Variants in ASB4 observed in about 807,000 individuals in gnomAD.
ASB4 encodes the protein ankyrin repeat and SOCS box protein 4.
In ASB4, 35 loss-of-function variants were observed where a neutral mutation model predicts 38.6. The ratio of observed to expected loss-of-function variants is 0.91; its 90% CI spans 0.69 to 1.20. The LOEUF is 1.20. Ranked by LOEUF, ASB4 falls within the 50% of genes most tolerant of loss-of-function variation. ASB4 has a pLI of 0.00. For synonymous variants in ASB4, 195 were observed against 201.3 expected (o/e 0.97, Z 0.26); for missense variants, 557 against 527.2 (o/e 1.06, Z -0.55).
intron 3 of ASB4, among the ~76,000 whole-genome samples, chr7:95,529,622 G>T (rs960464963): frequency 6.6e-6 from 1 of 152,132 alleles, no homozygotes; most frequent in Non-Finnish European, 1.5e-5. Context: ...GCTAATGGAA[G>T]ATTAACTAAT....
upstream of ASB4, among the ~76,000 whole-genome samples, chr7:95,477,785 T>A (rs572203857): frequency 2.6e-5 from 4 of 152,148 alleles, no homozygotes; most frequent in African/African-American, 4.8e-5. Context: ...CAAAATTAAG[T>A]TCTTTTAAAA....
At chr7:95,546,602 C>T in the ASB4 span, among the ~76,000 whole-genome samples, 1 of 152,134 alleles carries the variant, frequency 6.6e-6, no homozygotes, top group African/African-American at 2.4e-5. Context: ...TCCTTTTGAG[C>T]CCAGACTCAG....
intron 2 of ASB4, among the ~76,000 whole-genome samples, chr7:95,517,754 C>A (rs1329579956): frequency 1.3e-5 from 2 of 151,796 alleles, no homozygotes; most frequent in East Asian, 1.9e-4. Context: ...GGGACAGAGG[C>A]AAGGTTTGAT....
chr7:95,485,058 A>ATATATATGTGTATATATG (rs1351640841), upstream of ASB4, among the ~76,000 whole-genome samples: 1 of 124,574 alleles, frequency 8.0e-6, no homozygotes, highest in Admixed American at 8.7e-5. Flanking sequence ...GTATATATGT[A>ATATATATGTGTATATATG]TATATATGTA....
chr7:95,548,278 T>G, the ASB4 span, among the ~76,000 whole-genome samples: 3 of 152,220 alleles, frequency 2.0e-5, no homozygotes, highest in Non-Finnish European at 4.4e-5. Context: ...TAGTGATAAG[T>G]CTCTGTACTT....
chr7:95,480,698 T>G (rs1790015228), intron 1 of ASB4, among the ~76,000 whole-genome samples: 1 of 152,296 alleles, frequency 6.6e-6, no homozygotes, highest in East Asian at 1.9e-4. Flanking sequence ...GACCTTTGTG[T>G]CTTTAGTTTG....
chr7:95,549,307 T>TTTTTTTTTTTTTTTC, the ASB4 span, among the ~76,000 whole-genome samples: 1 of 138,532 alleles, frequency 7.2e-6, no homozygotes, highest in Non-Finnish European at 1.5e-5. Context: ...CTCCATTTTT[T>TTTTTTTTTTTTTTTC]TTTTTTTGAG....
intron 2 of ASB4, among the ~76,000 whole-genome samples, chr7:95,501,128 A>C (rs1790330963): frequency 6.6e-6 from 1 of 152,216 alleles, no homozygotes; most frequent in Non-Finnish European, 1.5e-5. Context: ...TAACTTTCTA[A>C]TTAAAACATT....
chr7:95,498,013 G>A (rs1357730720), intron 2 of ASB4, among the ~76,000 whole-genome samples: 1 of 152,164 alleles, frequency 6.6e-6, no homozygotes, highest in Non-Finnish European at 1.5e-5. Context: ...TTTTTATGTG[G>A]ACTTTTTATT....
At chr7:95,537,351 C>T (rs1790901932) in intron 4 of ASB4, among the ~76,000 whole-genome samples, 1 of 152,154 alleles carries the variant, frequency 6.6e-6, no homozygotes. Context: ...TTTATCTTAT[C>T]TCCTGGGTTC....
chr7:95,535,659 G>T (rs3757702), intron 3 of ASB4, among the ~76,000 whole-genome samples: 42,165 of 152,116 alleles, frequency 0.28, 7,076 homozygotes, highest in East Asian at 0.69. Flanking sequence ...TCCTGAAGGA[G>T]ATTCTGGCCA....
At chr7:95,530,561 G>T (rs574279890) in intron 3 of ASB4, among the ~76,000 whole-genome samples, 1 of 152,140 alleles carries the variant, frequency 6.6e-6, no homozygotes, top group Non-Finnish European at 1.5e-5. Flanking sequence ...CAGGTGCAAG[G>T]GTCCTGAGGT....
chr7:95,528,191 T>C lies in ASB4; in HGVS notation c.866T>C (p.Ile289Thr). ...ATGGATATCAACGGCTGTGCTGCCATCCAGTACGTGCTGAAGGTCACCTCC... is the reference window on the plus strand; with the variant it reads ...ATGGATATCAACGGCTGTGCTGCCACCCAGTACGTGCTGAAGGTCACCTCC... The part of the protein sequence containing the change: ...NLMDINGCAA[I>T]QYVLKVTSVR... Residue 289 changes from isoleucine to threonine, a missense_variant, in exon 3 of 5, where the codon ATC (isoleucine) becomes ACC (threonine). Coordinates refer to ENST00000325885, the MANE Select transcript of ASB4 (RefSeq NM_016116.3). 1 of 1,614,160 alleles carries C rather than the reference T, an allele frequency of 6.2e-7. No individual in the cohort carries two copies. The highest frequency in any genetic ancestry group is 1.1e-5 in the South Asian group (1 of 91,080).
Position 95,486,182 on chromosome 7 carries a change from T to C in ASB4, c.187+24T>C, listed in dbSNP as rs369983394. On this transcript the variant is annotated intron_variant, in intron 1 of 4. Transcript: ENST00000325885. Reference sequence around the variant, plus strand: ...AGGTAAAAACATATAGGTGTTATTGTAGAACTGTTAGAAAATGATTTAAAA... The same window carrying C: ...AGGTAAAAACATATAGGTGTTATTGCAGAACTGTTAGAAAATGATTTAAAA... The C allele has an allele frequency of 5.8e-4, 906 of 1,571,168 alleles. 5 individuals carry two copies. The highest frequency in any genetic ancestry group is 6.5e-4 in the Non-Finnish European group (746 of 1,149,940).
chr7:95,501,357 A>G (rs1386313324), intron 2 of ASB4, among the ~76,000 whole-genome samples: 1 of 152,202 alleles, frequency 6.6e-6, no homozygotes, highest in African/African-American at 2.4e-5. Flanking sequence ...ACACAAGTCA[A>G]CCACATGTTA....
At chr7:95,502,388 C>CT (rs1234346149) in intron 2 of ASB4, among the ~76,000 whole-genome samples, 17 of 40,842 alleles carry the variant, frequency 4.2e-4, no homozygotes, top group African/African-American at 1.4e-3. Context: ...AGGTACCAGC[C>CT]TGCGGGGGGG....
Position 95,496,922 on chromosome 7 carries a change from A to G in ASB4, c.487+865A>G, listed in dbSNP as rs1790258861. 3.3e-5 allele frequency among the ~76,000 whole-genome samples: 5 copies of G among 152,186 alleles called. No homozygotes were observed. In the South Asian group the frequency reaches 1.0e-3, roughly 32 times the overall value. On this transcript the variant is annotated intron_variant, in intron 2 of 4. Transcript: ENST00000325885. ...ACAGCCATTAAAAAAGAACGCCGAGAGGAAGAGGGGTCTAGCTATAGGAAA... is the reference window on the plus strand; with the variant it reads ...ACAGCCATTAAAAAAGAACGCCGAGGGGAAGAGGGGTCTAGCTATAGGAAA...
At chr7:95,514,195 T>G (rs551724173) in intron 2 of ASB4, among the ~76,000 whole-genome samples, 1 of 152,320 alleles carries the variant, frequency 6.6e-6, no homozygotes, top group African/African-American at 2.4e-5. Context: ...TCTCTTAACG[T>G]CATTTCTTTC....
At chr7:95,550,238 G>GTTT in the ASB4 span, among the ~76,000 whole-genome samples, 16 of 152,094 alleles carry the variant, frequency 1.1e-4, no homozygotes. Context: ...AAAGTCCAAG[G>GTTT]CTGCCTCCTG....
Sources: gnomAD v4.1 joint callset for allele counts (sites outside exome capture counted in the v4.1 genomes callset) on GRCh38, gnomAD v4.1.1 for gene constraint, MANE v1.5 for transcripts, NCBI Gene and HGNC (gene_info 2026-07-23, HGNC 2026-07-21) for gene names.